Variants in STIM1 observed in about 807,000 individuals in gnomAD.
STIM1 encodes stromal interaction molecule 1.
A neutral mutation model predicts 74.7 loss-of-function variants in STIM1; 25 were observed. That is an observed-to-expected ratio of 0.33 (90% confidence interval 0.24 to 0.47). The LOEUF (loss-of-function observed/expected upper bound fraction) is 0.47, where lower values mean the gene tolerates loss of function less well. Ranked by LOEUF, STIM1 falls within the 20% of genes least tolerant of loss-of-function variation. The pLI is 1.00. For synonymous variants in STIM1, 328 were observed against 348.8 expected, an observed-to-expected ratio of 0.94 and a Z score of 0.66; for missense variants, 728 against 920.8, an observed-to-expected ratio of 0.79 and a Z score of 2.71.
At chr11:4,088,705 A>T in intron 12 of STIM1, 4 of 1,535,758 alleles carry the variant, frequency 2.6e-6, no homozygotes, top group Non-Finnish European at 3.5e-6. Context: ...GCACCAGAGG[A>T]TCATCTCTAA....
intron 5 of STIM1, among the ~76,000 whole-genome samples, chr11:4,067,830 A>G (rs1428434966): frequency 1.9e-4 from 29 of 152,236 alleles, no homozygotes; most frequent in Admixed American, 1.9e-3. Flanking sequence ...TTATCAGTAA[A>G]GAATCAATCC....
Position 3,857,102 on chromosome 11 carries a change from TTTTTTG to T in STIM1, c.139+699_139+704del, listed in dbSNP as rs1447696501. 1.6e-3 allele frequency among the ~76,000 whole-genome samples: 185 copies of T among 118,430 alleles called. 3 individuals are homozygous for T. Among genetic ancestry groups the T allele is most frequent in the African/African-American group, 5.2e-3 (166 of 32,094 alleles). 77.7% of individuals were successfully genotyped at this position (118,430 alleles called of 152,430 possible). On this transcript the variant is annotated intron_variant, in intron 1 of 12. Transcript: ENST00000526596. ...TGGGAATTCCATGCTACAGGTTTTT[TTTTTTG>T]TTTTTTTTTTTTTTTCCCTGAGTCT...
chr11:4,048,766 C>T (rs1437709299), intron 3 of STIM1, among the ~76,000 whole-genome samples: 1 of 151,888 alleles, frequency 6.6e-6, no homozygotes, highest in African/African-American at 2.4e-5. Context: ...CAGAGTCTCG[C>T]TCTGTCGCCC....
rs574178270 is a variant in STIM1 at position 3,938,098 on chromosome 11, T to A, written c.140-29454T>A. Among the ~76,000 whole-genome samples, 3 of 152,192 alleles carry A rather than the reference T, an allele frequency of 2.0e-5. No individual in the cohort carries two copies. The East Asian group carries it at 5.8e-4, about 29-fold the overall frequency. On this transcript the variant is annotated intron_variant, in intron 1 of 12. Coordinates refer to ENST00000526596, the MANE Select transcript of STIM1 (RefSeq NM_001382567.1). ...ACAGGTGCCCACCACCACACCCAGC[T>A]AATTTATTTTTGTATTTTTAGTAGA...
At chr11:4,016,724 C>T (rs556907485) in intron 2 of STIM1, among the ~76,000 whole-genome samples, 1 of 152,312 alleles carries the variant, frequency 6.6e-6, no homozygotes, top group South Asian at 2.1e-4. Context: ...GAGCTCCTTG[C>T]CACTTTATTT....
intron 1 of STIM1, among the ~76,000 whole-genome samples, chr11:3,894,877 T>TA (rs1231874878): frequency 6.6e-6 from 1 of 151,360 alleles, no homozygotes; most frequent in Non-Finnish European, 1.5e-5. Flanking sequence ...TATCTGGCAT[T>TA]ACAGGCATGT....
At chr11:3,858,067 G>C (rs1256338650) in intron 1 of STIM1, among the ~76,000 whole-genome samples, 1 of 152,128 alleles carries the variant, frequency 6.6e-6, no homozygotes, top group African/African-American at 2.4e-5. Flanking sequence ...ATCTCTTCCT[G>C]TCCCTGTGAC....
chr11:3,925,602 C>G (rs1326486000), intron 1 of STIM1, among the ~76,000 whole-genome samples: 1 of 152,088 alleles, frequency 6.6e-6, no homozygotes, highest in Non-Finnish European at 1.5e-5. Context: ...AAAAGTTTAT[C>G]TTCAGATATA....
At chr11:4,030,968 G>A (rs1038855208) in intron 3 of STIM1, among the ~76,000 whole-genome samples, 1 of 152,068 alleles carries the variant, frequency 6.6e-6, no homozygotes, top group African/African-American at 2.4e-5. Flanking sequence ...TAAGATTTTG[G>A]TACATGTATA....
intron 1 of STIM1, among the ~76,000 whole-genome samples, chr11:3,891,661 T>C (rs2091900504): frequency 6.6e-6 from 1 of 152,192 alleles, no homozygotes; most frequent in South Asian, 2.1e-4. Context: ...GCTGTTACTC[T>C]TCATTTCATT....
In STIM1 at chr11:4,002,476, C is replaced by T. The variant is rs867974312; in HGVS notation, c.271-21397C>T. Among the ~76,000 whole-genome samples, 4 of 151,568 alleles carry T rather than the reference C, an allele frequency of 2.6e-5. No individual in the cohort carries two copies. In the South Asian group the frequency reaches 6.3e-4, roughly 24 times the overall value. On this transcript the variant is annotated intron_variant, in intron 2 of 12. Transcript: ENST00000526596. Reference sequence around the variant, plus strand: ...TTACATGGAAACTGAACAACCTGCCCCTGAATGACTACTGGGTACATAACG... The same window carrying T: ...TTACATGGAAACTGAACAACCTGCCTCTGAATGACTACTGGGTACATAACG...
intron 1 of STIM1, among the ~76,000 whole-genome samples, chr11:3,921,632 C>G (rs375512490): frequency 1.3e-5 from 2 of 152,244 alleles, no homozygotes; most frequent in African/African-American, 4.8e-5. Flanking sequence ...TTCTTTGATA[C>G]TCTTTCCATC....
chr11:3,860,674 A>G (rs1318847368), intron 1 of STIM1, among the ~76,000 whole-genome samples: 18 of 152,158 alleles, frequency 1.2e-4, no homozygotes. Flanking sequence ...CATCCCACCT[A>G]TTTTTACATA....
At chr11:3,897,273 A>C (rs2092206696) in intron 1 of STIM1, among the ~76,000 whole-genome samples, 1 of 152,172 alleles carries the variant, frequency 6.6e-6, no homozygotes. Flanking sequence ...CTACCTGATA[A>C]AGGCTCTTCT....
chr11:4,046,096 A>G (rs1252299912), intron 3 of STIM1, among the ~76,000 whole-genome samples: 3 of 70,308 alleles, frequency 4.3e-5, no homozygotes, highest in African/African-American at 5.6e-5. Context: ...AGACAGCCTC[A>G]GTCTGTCGCC....
rs139081347 is a variant in STIM1 at position 3,912,990 on chromosome 11, G to A, written c.140-54562G>A. 2.0e-5 allele frequency among the ~76,000 whole-genome samples: 3 copies of A among 151,980 alleles called. No individual in the cohort carries two copies. The South Asian group carries it at 6.2e-4, about 32-fold the overall frequency. ...GGTGAGATCTACAGCACCTTTTTTG[G>A]TCCCAGAGATGGAAGCCTCATTTTG... On this transcript the variant is annotated intron_variant, in intron 1 of 12. Transcript: ENST00000526596.
rs532955379 is a variant in STIM1, at chr11:3,957,887, G to C, written c.140-9665G>C. Among the ~76,000 whole-genome samples the C allele has an allele frequency of 1.7e-3, 254 of 151,178 alleles. 4 individuals carry two copies. Among genetic ancestry groups the C allele is most frequent in the African/African-American group, 5.8e-3 (240 of 41,172 alleles). On this transcript the variant is annotated intron_variant, in intron 1 of 12. Coordinates refer to ENST00000526596, the MANE Select transcript of STIM1 (RefSeq NM_001382567.1). ...GCCAATGGATTAATTTTTTTTTTTA[G>C]ACGAAGTCTCACTCTGTCGCCAGGC...
At position 3,967,704 on chromosome 11, in the gene STIM1, T is replaced by G. The variant is rs1222201840; in HGVS notation, c.270+22T>G. The G allele has an allele frequency of 2.5e-6, 4 of 1,614,044 alleles. No individual in the cohort carries two copies. In the Admixed American group the frequency reaches 6.7e-5, roughly 27 times the overall value. On this transcript the variant is annotated intron_variant, in intron 2 of 12. Coordinates refer to ENST00000526596, the MANE Select transcript of STIM1 (RefSeq NM_001382567.1). ...TGAGGTGAGCTCTCCCATCCTGCTA[T>G]GTCTCTCTTTTCTTCCTGTGTGAAT...
intron 1 of STIM1, chr11:3,892,594 CA>C (rs2091929424): frequency 1.2e-6 from 2 of 1,602,770 alleles, no homozygotes; most frequent in East Asian, 4.5e-5. Flanking sequence ...TTGCCATGGA[CA>C]AGATGCCAGG....
Sources: allele counts gnomAD v4.1 joint callset (sites outside exome capture counted in the v4.1 genomes callset), GRCh38; gene constraint gnomAD v4.1.1; transcripts MANE v1.5; gene names NCBI Gene and HGNC (gene_info 2026-07-23, HGNC 2026-07-21).